LRBA: variants seen among roughly 807,000 people sequenced by gnomAD.
LRBA encodes the protein lipopolysaccharide-responsive and beige-like anchor protein.
Under a neutral mutation model 330.0 loss-of-function variants are expected in LRBA, and 176 were observed. The observed-to-expected ratio is 0.53, with a 90% CI of 0.47 to 0.60. The LOEUF is 0.60. LRBA is among the 20% of genes least tolerant of loss of function. LRBA has a pLI of 0.00. For synonymous variants in LRBA, 1,230 were observed against 1,193.0 expected, an observed-to-expected ratio of 1.03 and a Z score of -0.64; for missense variants, 3,259 against 3,444.8, an observed-to-expected ratio of 0.95 and a Z score of 1.35.
At chr4:151,007,168 G>A (rs866398081) in intron 2 of LRBA, among the ~76,000 whole-genome samples, 3 of 152,318 alleles carry the variant, frequency 2.0e-5, no homozygotes, top group East Asian at 3.9e-4. Flanking sequence ...TTTGACAAAA[G>A]TGCCAAGGTA....
intron 44 of LRBA, among the ~76,000 whole-genome samples, chr4:150,465,644 T>A (rs777085394): frequency 6.6e-6 from 1 of 152,170 alleles, no homozygotes; most frequent in African/African-American, 2.4e-5. Context: ...TGGCCACTTG[T>A]ATATCCTCTT....
chr4:150,288,732 T>A (rs975884934), intron 53 of LRBA, among the ~76,000 whole-genome samples: 5 of 151,986 alleles, frequency 3.3e-5, no homozygotes, highest in African/African-American at 1.2e-4. Flanking sequence ...TGGCAACTTT[T>A]TTTTTTTACC....
rs771673853 is a variant in LRBA, at chr4:150,831,859, A to G, written c.4687T>C (p.Cys1563Arg). Residue 1563 changes from cysteine (C) to arginine (R), a missense_variant, in exon 29 of 57, where the codon TGT (cysteine) becomes CGT (arginine). Cys to Arg is a radical substitution (Grantham distance 180). Transcript: ENST00000651943. ...EPQNERHSQSCTETGSENENV... is the reference protein window; with the variant it reads ...EPQNERHSQSRTETGSENENV... ...TCATTTTCACTGCCAGTTTCTGTAC[A>G]TGACTGGCTATGCCTTTCATTTTGG... 1.2e-6 allele frequency: 2 copies of G among 1,603,464 alleles called. No homozygotes were observed. Among genetic ancestry groups the G allele is most frequent in the Non-Finnish European group, 1.7e-6 (2 of 1,175,224 alleles).
intron 40 of LRBA, among the ~76,000 whole-genome samples, chr4:150,548,744 C>T (rs188996117): frequency 2.0e-5 from 3 of 152,278 alleles, no homozygotes; most frequent in Admixed American, 2.0e-4. Context: ...TGATTGAACC[C>T]TTACTAATTG....
At chr4:150,379,607 C>T (rs1195605607) in intron 47 of LRBA, among the ~76,000 whole-genome samples, 2 of 152,092 alleles carry the variant, frequency 1.3e-5, no homozygotes, top group East Asian at 3.9e-4. Context: ...GGGAATTATA[C>T]TGGAGATGGT....
At chr4:150,478,573 C>A (rs983608473) in intron 42 of LRBA, among the ~76,000 whole-genome samples, 2 of 152,148 alleles carry the variant, frequency 1.3e-5, no homozygotes, top group African/African-American at 4.8e-5. Context: ...CACATATCAT[C>A]CAGATGTCTT....
chr4:150,723,336 G>C (rs947262343), intron 36 of LRBA, among the ~76,000 whole-genome samples: 1 of 152,164 alleles, frequency 6.6e-6, no homozygotes, highest in African/African-American at 2.4e-5. Flanking sequence ...GAGTAAAGAG[G>C]ACTTTGACTT....
chr4:150,518,750 G>C (rs1247465403), intron 40 of LRBA, among the ~76,000 whole-genome samples: 1 of 152,144 alleles, frequency 6.6e-6, no homozygotes, highest in Non-Finnish European at 1.5e-5. Flanking sequence ...GTCATTAAGT[G>C]TGAAACATGA....
At chr4:150,957,826 C>T (rs1269743035) in intron 2 of LRBA, among the ~76,000 whole-genome samples, 1 of 149,240 alleles carries the variant, frequency 6.7e-6, no homozygotes, top group East Asian at 1.9e-4. Flanking sequence ...GCCAGTGGGA[C>T]AGTCAAATCT....
At chr4:150,666,733 G>A (rs1054838549) in intron 37 of LRBA, among the ~76,000 whole-genome samples, 2 of 151,670 alleles carry the variant, frequency 1.3e-5, no homozygotes, top group East Asian at 3.9e-4. Context: ...GGATACTAAG[G>A]GATTACATGT....
At chr4:150,403,717 AATAG>A (rs1210567982) in intron 47 of LRBA, among the ~76,000 whole-genome samples, 8 of 152,142 alleles carry the variant, frequency 5.3e-5, no homozygotes, top group Non-Finnish European at 1.0e-4. Context: ...GAAATTAAGA[AATAG>A]ATGACAAAAT....
chr4:150,606,528 T>TA (rs555716860), intron 37 of LRBA, among the ~76,000 whole-genome samples: 13 of 151,950 alleles, frequency 8.6e-5, no homozygotes, highest in Admixed American at 5.2e-4. Context: ...TTATTAAATA[T>TA]AAAAAAAATA....
chr4:150,706,031 T>C (rs1785585472), intron 36 of LRBA, among the ~76,000 whole-genome samples: 1 of 151,974 alleles, frequency 6.6e-6, no homozygotes, highest in Admixed American at 6.6e-5. Context: ...AAGATGTGAG[T>C]GCATGCCTGA....
At position 150,588,101 on chromosome 4, in the gene LRBA, G is replaced by A. The variant is rs1240155934; in HGVS notation, c.6277C>T (p.Leu2093Phe). Residue 2093 changes from leucine to phenylalanine, a missense_variant, in exon 40 of 57, where the codon CTC becomes TTC. By Grantham distance (22) the Leu-to-Phe change is conservative. Coordinates refer to ENST00000651943, the MANE Select transcript of LRBA (RefSeq NM_001364905.1). ...KGTLSVTSSE[L>F]YFEVDEEDPN... Reference sequence around the variant, plus strand: ...TCCTCTTCATCCACCTCAAAATAGAGTTCGGAGGAGGTGACAGAAAGAGTG... The same window carrying A: ...TCCTCTTCATCCACCTCAAAATAGAATTCGGAGGAGGTGACAGAAAGAGTG... 1 of 1,612,596 alleles carries A rather than the reference G, an allele frequency of 6.2e-7. No homozygotes were observed. The highest frequency in any genetic ancestry group is 1.3e-5 in the African/African-American group (1 of 74,974).
chr4:150,732,018 C>A (rs1005383501), intron 36 of LRBA, among the ~76,000 whole-genome samples: 1 of 151,964 alleles, frequency 6.6e-6, no homozygotes, highest in Admixed American at 6.6e-5. Flanking sequence ...AATAAAAAAT[C>A]AATGACATAA....
At chr4:150,567,927 G>A (rs1172305512) in intron 40 of LRBA, among the ~76,000 whole-genome samples, 5 of 152,092 alleles carry the variant, frequency 3.3e-5, no homozygotes, top group African/African-American at 1.2e-4. Flanking sequence ...CAAAGGGAGA[G>A]GAATACATGG....
At chr4:150,730,002 A>G (rs1358204128) in intron 36 of LRBA, among the ~76,000 whole-genome samples, 1 of 152,212 alleles carries the variant, frequency 6.6e-6, no homozygotes, top group African/African-American at 2.4e-5. Context: ...AAATCAAAAT[A>G]GATTAAAGAC....
intron 40 of LRBA, among the ~76,000 whole-genome samples, chr4:150,545,054 T>C (rs1463472903): frequency 2.6e-5 from 4 of 152,122 alleles, no homozygotes. Context: ...TTCTGTAAAA[T>C]AGAAAATATT....
At chr4:150,423,368 T>G in intron 46 of LRBA, 1 of 668,718 alleles carries the variant, frequency 1.5e-6, no homozygotes. Flanking sequence ...TTCTGCCCAC[T>G]TGCTCCCGGG....
Sources: allele counts gnomAD v4.1 joint callset (sites outside exome capture counted in the v4.1 genomes callset), GRCh38; gene constraint gnomAD v4.1.1; transcripts MANE v1.5; gene names NCBI Gene and HGNC (gene_info 2026-07-23, HGNC 2026-07-21).